C8orf34: variants seen among roughly 807,000 people sequenced by gnomAD.
C8orf34 encodes the protein uncharacterized protein C8orf34.
C8orf34 carries 65 observed loss-of-function variants against 68.3 expected under a neutral mutation model. That is an observed-to-expected ratio of 0.95 (90% CI 0.78 to 1.17). The LOEUF is 1.17. C8orf34 is among the 50% of genes most tolerant of loss of function. The pLI is 0.00. For missense variants in C8orf34, 664 were observed against 655.4 expected, an observed-to-expected ratio of 1.01 and a Z score of -0.14; for synonymous variants, 244 against 241.2, an observed-to-expected ratio of 1.01 and a Z score of -0.11.
intron 8 of C8orf34, among the ~76,000 whole-genome samples, chr8:68,701,843 A>G (rs539942633): frequency 1.3e-5 from 2 of 151,930 alleles, no homozygotes; most frequent in Non-Finnish European, 2.9e-5. Flanking sequence ...CACTCCGGTC[A>G]TTGGCCTCCA....
At chr8:68,482,610 G>C (rs1812909649) in intron 4 of C8orf34, among the ~76,000 whole-genome samples, 1 of 152,102 alleles carries the variant, frequency 6.6e-6, no homozygotes, top group Non-Finnish European at 1.5e-5. Context: ...GTCAGAGGTT[G>C]TTGATCACCC....
rs190359925 is a variant in C8orf34, at chr8:68,765,525, A to G, written c.1405-10874A>G. On this transcript the variant is annotated intron_variant, in intron 10 of 13. Transcript: ENST00000518698. ...TGTAGGTAAAACTCCAGAGTTAGTA[A>G]TCATAATAATTTGAATAAATTAAAA... Among the ~76,000 whole-genome samples the G allele has an allele frequency of 1.1e-4, 17 of 152,358 alleles. No homozygotes were observed. The East Asian group carries it at 2.3e-3, about 21-fold the overall frequency.
chr8:68,562,704 G>A (rs943470224), intron 7 of C8orf34, among the ~76,000 whole-genome samples: 11 of 152,104 alleles, frequency 7.2e-5, no homozygotes, highest in Non-Finnish European at 1.3e-4. Flanking sequence ...AGCATTTTGG[G>A]CAAAATCCCT....
intron 6 of C8orf34, chr8:68,530,520 G>C (rs1586328064): frequency 1.7e-6 from 1 of 588,488 alleles, no homozygotes; most frequent in Admixed American, 3.5e-5. Flanking sequence ...ATTTTGTTTT[G>C]ATTGGTTTTG....
At chr8:68,493,400 G>A in intron 5 of C8orf34, among the ~76,000 whole-genome samples, 1 of 152,084 alleles carries the variant, frequency 6.6e-6, no homozygotes. Context: ...AATCACCAGA[G>A]GGAAAAAAAC....
At chr8:68,621,307 A>T (rs1818382403) in intron 7 of C8orf34, among the ~76,000 whole-genome samples, 1 of 152,124 alleles carries the variant, frequency 6.6e-6, no homozygotes, top group South Asian at 2.1e-4. Context: ...TTTTTGTCAG[A>T]ATATGTTTGT....
chr8:68,708,859 C>A, intron 8 of C8orf34, 135 bp from the exon 9 acceptor site: 1 of 695,600 alleles, frequency 1.4e-6, no homozygotes, highest in Non-Finnish European at 2.5e-6. Flanking sequence ...CTTTAGTGAA[C>A]TTGTATTTCT....
chr8:68,582,897 TG>T (rs1817107130), intron 7 of C8orf34, among the ~76,000 whole-genome samples: 1 of 152,106 alleles, frequency 6.6e-6, no homozygotes, highest in African/African-American at 2.4e-5. Flanking sequence ...GAAAGATAAC[TG>T]GGAAAATCAG....
chr8:68,446,554 C>T (rs1811134004), intron 3 of C8orf34, 94 bp downstream of exon 3: 7 of 1,323,772 alleles, frequency 5.3e-6, no homozygotes, highest in Non-Finnish European at 6.2e-6. Context: ...CCCAACTTTT[C>T]ATCTGATATT....
chr8:68,331,074 T>C lies in C8orf34; in HGVS notation c.62T>C (p.Leu21Pro). Residue 21 changes from leucine (L) to proline (P), a missense_variant, in exon 1 of 14, where the codon CTC (leucine) becomes CCC (proline). By Grantham distance (98) the Leu-to-Pro change is moderately conservative. Transcript: ENST00000518698. The part of the protein sequence containing the change: ...ELAALRPGFR[L>P]SAPHARVAPR... The stretch of plus-strand genomic sequence containing the variant: ...GCGGCGCTGCGCCCAGGCTTCCGGC[T>C]CTCAGCGCCCCACGCGCGCGTGGCT... 1 of 1,446,600 alleles carries C rather than the reference T, an allele frequency of 6.9e-7. No homozygotes were observed. The highest frequency in any genetic ancestry group is 9.1e-7 in the Non-Finnish European group (1 of 1,103,620). The allele number at this position is 1,446,600 out of a possible 1,614,324, so 89.6% of individuals were successfully genotyped here. A position where few individuals can be genotyped will look rare whatever the true frequency, so the allele number is the denominator to read the frequency against.
chr8:68,665,065 G>A (rs1183378359), intron 8 of C8orf34, among the ~76,000 whole-genome samples: 1 of 152,140 alleles, frequency 6.6e-6, no homozygotes, highest in Non-Finnish European at 1.5e-5. Context: ...CTTCTCCCAT[G>A]GATTTAGCTA....
intron 1 of C8orf34, among the ~76,000 whole-genome samples, chr8:68,430,228 T>C (rs1370930998): frequency 2.0e-5 from 3 of 152,170 alleles, no homozygotes; most frequent in African/African-American, 7.2e-5. Flanking sequence ...GCTTCTTAGT[T>C]GGGGAACACA....
chr8:68,389,872 C>A (rs1002499094), intron 1 of C8orf34, among the ~76,000 whole-genome samples: 1 of 152,074 alleles, frequency 6.6e-6, no homozygotes, highest in Non-Finnish European at 1.5e-5. Context: ...AGGACGGTTT[C>A]TTTAGATGAA....
intron 10 of C8orf34, among the ~76,000 whole-genome samples, chr8:68,747,047 G>A (rs1377521115): frequency 6.7e-6 from 1 of 150,036 alleles, no homozygotes; most frequent in Non-Finnish European, 1.5e-5. Context: ...TGATCAAGTG[G>A]GCTTCATCCC....
intron 7 of C8orf34, among the ~76,000 whole-genome samples, chr8:68,552,675 T>G (rs1191652078): frequency 6.6e-6 from 1 of 152,126 alleles, no homozygotes; most frequent in Non-Finnish European, 1.5e-5. Context: ...CATTGAGTCT[T>G]TCAACATTAA....
chr8:68,628,969 T>A (rs1341362751), intron 7 of C8orf34, among the ~76,000 whole-genome samples: 1 of 152,166 alleles, frequency 6.6e-6, no homozygotes, highest in Non-Finnish European at 1.5e-5. Flanking sequence ...TTTTCCTCAA[T>A]ACAACACACT....
At chr8:68,802,669 T>C (rs1217143307) in intron 12 of C8orf34, among the ~76,000 whole-genome samples, 2 of 152,046 alleles carry the variant, frequency 1.3e-5, no homozygotes, top group Admixed American at 1.3e-4. Context: ...AGATAATTTT[T>C]GTAGTTTTTG....
intron 7 of C8orf34, among the ~76,000 whole-genome samples, chr8:68,590,026 T>G (rs1817338434): frequency 8.5e-6 from 1 of 118,198 alleles, no homozygotes. Context: ...TAAAAAAGGA[T>G]GAGGAAAGAG....
chr8:68,521,788 C>A lies in C8orf34; in HGVS notation c.766-11C>A, dbSNP rs1166486000. On this transcript the variant is annotated splice_polypyrimidine_tract_variant and intron_variant, in intron 5 of 13. Transcript: ENST00000518698. ...GCCATCTAAGACAGCATATTCTTTTCTTCTCTTCAGGAAACAGTGACATTT... is the reference window on the plus strand; with the variant it reads ...GCCATCTAAGACAGCATATTCTTTTATTCTCTTCAGGAAACAGTGACATTT... The A allele has an allele frequency of 6.2e-7, 1 of 1,606,296 alleles. No individual in the cohort carries two copies. Among genetic ancestry groups the A allele is most frequent in the Admixed American group, 1.7e-5 (1 of 59,072 alleles).
Sources: gnomAD v4.1 joint callset for allele counts (sites outside exome capture counted in the v4.1 genomes callset) on GRCh38, gnomAD v4.1.1 for gene constraint, MANE v1.5 for transcripts, NCBI Gene and HGNC (gene_info 2026-07-23, HGNC 2026-07-21) for gene names.